Variants in NPC1L1 observed in about 807,000 individuals in gnomAD.
NPC1L1 encodes NPC1 like intracellular cholesterol transporter 1.
Under a neutral mutation model 117.0 loss-of-function variants are expected in NPC1L1, and 98 were observed. That is an observed-to-expected ratio of 0.84 (90% CI 0.71 to 0.99). NPC1L1 has a LOEUF of 0.99. Ranked by LOEUF, NPC1L1 falls within the 50% of genes least tolerant of loss-of-function variation. The pLI, the probability that NPC1L1 is intolerant of heterozygous loss-of-function variation, is 0.00. For missense variants in NPC1L1, 1,540 were observed against 1,710.0 expected (o/e 0.90, Z 1.75); for synonymous variants, 729 against 727.6 (o/e 1.00, Z -0.03).
intron 10 of NPC1L1, among the ~76,000 whole-genome samples, chr7:44,527,783 CA>C (rs1042823780): frequency 4.5e-4 from 68 of 151,598 alleles, no homozygotes; most frequent in African/African-American, 1.5e-3. Flanking sequence ...GAGACTCATG[CA>C]AAAAAAATCA....
Position 44,536,510 on chromosome 7 carries a change from C to A in NPC1L1, c.1682-82G>T, listed in dbSNP as rs1303843254. On this transcript the variant is annotated intron_variant, in intron 3 of 18. Coordinates refer to ENST00000381160, the MANE Select transcript of NPC1L1 (RefSeq NM_001101648.2). The surrounding 1 kb of genome is among the most constrained non-coding windows in gnomAD (Gnocchi z 4.7). ...AGCTGCACCCCTATATTCCCTCCCC[C>A]TATCTAGCTGCACCCCTCCCATCAC... 2.0e-6 allele frequency: 3 copies of A among 1,471,946 alleles called. No individual in the cohort carries two copies. In the African/African-American group the frequency reaches 4.2e-5, roughly 20 times the overall value. The allele number at this position is 1,471,946 out of a possible 1,614,324, so 91.2% of individuals were successfully genotyped here.
intron 10 of NPC1L1, among the ~76,000 whole-genome samples, chr7:44,522,934 A>G (rs1563203916): frequency 6.6e-6 from 1 of 152,194 alleles, no homozygotes; most frequent in East Asian, 1.9e-4. Context: ...AGGCATCCTC[A>G]TGGTCTGCTC....
In NPC1L1 at chr7:44,534,630, C is replaced by A; in HGVS notation, c.1984-1G>T. ...GGCCCAGCGTGGCCTTGGAGTCCAC[C>A]TGCAATGCAAACAGGCTCAGCCCCC... On this transcript the variant is annotated splice_acceptor_variant, in intron 5 of 18. Coordinates refer to ENST00000381160, the MANE Select transcript of NPC1L1 (RefSeq NM_001101648.2). LOFTEE classifies it high-confidence loss of function. The surrounding 1 kb of genome is among the most constrained non-coding windows in gnomAD (Gnocchi z 5.2). 2 of 1,613,882 alleles carry A rather than the reference C, an allele frequency of 1.2e-6. No homozygotes were observed. The highest frequency in any genetic ancestry group is 1.7e-6 in the Non-Finnish European group (2 of 1,179,904).
At position 44,515,972 on chromosome 7, in the gene NPC1L1, G is replaced by C. The variant is rs771778283; in HGVS notation, c.3634-7C>G. The stretch of plus-strand genomic sequence containing the variant: ...TGGCCACACCTGCAAACACCTGGGG[G>C]GTTCAGAGCCAGGTGTCAGGCAGGG... On this transcript the variant is annotated splice_polypyrimidine_tract_variant and splice_region_variant and intron_variant, in intron 17 of 18. Coordinates refer to ENST00000381160, the MANE Select transcript of NPC1L1 (RefSeq NM_001101648.2). 8.1e-6 allele frequency: 13 copies of C among 1,613,760 alleles called. No individual in the cohort carries two copies. The highest frequency in any genetic ancestry group is 1.6e-4 in the Middle Eastern group (1 of 6,062).
chr7:44,531,648 C>T (rs1563207235), intron 10 of NPC1L1, 107 bp downstream of exon 10: 2 of 967,624 alleles, frequency 2.1e-6, no homozygotes, highest in Non-Finnish European at 3.2e-6. Flanking sequence ...AATTCTGCAC[C>T]TCTGGCCAAG....
chr7:44,520,878 G>A (rs1486611158), intron 13 of NPC1L1, 58 bp from the exon 14 acceptor site: 1 of 1,612,066 alleles, frequency 6.2e-7, no homozygotes, highest in African/African-American at 1.3e-5. Context: ...CATCTGCCCA[G>A]CCCACAGCCA....
At chr7:44,516,983 A>G (rs755138020) in intron 15 of NPC1L1, 49 bp from the exon 16 acceptor site, 2 of 1,565,956 alleles carry the variant, frequency 1.3e-6, no homozygotes, top group South Asian at 2.3e-5. Flanking sequence ...TGGGGCCCTC[A>G]TGGTGGGTGG....
chr7:44,534,770 C>T lies in NPC1L1; in HGVS notation c.1984-141G>A. 2.6e-6 allele frequency: 2 copies of T among 775,340 alleles called. No individual in the cohort carries two copies. Among genetic ancestry groups the T allele is most frequent in the Non-Finnish European group, 2.1e-6 (1 of 484,566 alleles). The allele number at this position is 775,340 out of a possible 1,614,324, so 48.0% of individuals were successfully genotyped here. A position where few individuals can be genotyped will look rare whatever the true frequency, so the allele number is the denominator to read the frequency against. ...CGATACTGCCCCCAGTGGTGAGGAGCTCACATCTCACATTAAAGCCCCTCT... is the reference window on the plus strand; with the variant it reads ...CGATACTGCCCCCAGTGGTGAGGAGTTCACATCTCACATTAAAGCCCCTCT... On this transcript the variant is annotated intron_variant, in intron 5 of 18. Coordinates refer to ENST00000381160, the MANE Select transcript of NPC1L1 (RefSeq NM_001101648.2). This position sits in a 1 kb window ranked among gnomAD's most constrained non-coding sequence, Gnocchi z 5.2.
In NPC1L1 at chr7:44,517,371, G is replaced by A. The variant is rs1318944036; in HGVS notation, c.3137-14C>T. 7 of 1,608,696 alleles carry A rather than the reference G, an allele frequency of 4.4e-6. No homozygotes were observed. The highest frequency in any genetic ancestry group is 5.9e-6 in the Non-Finnish European group (7 of 1,180,002). On this transcript the variant is annotated splice_polypyrimidine_tract_variant and intron_variant, in intron 14 of 18. Coordinates refer to ENST00000381160, the MANE Select transcript of NPC1L1 (RefSeq NM_001101648.2). Reference sequence around the variant, plus strand: ...TGAACCTGGAGGCTGGACAGCCATGGCACACAGAAGATGGAAGGGCAAAGG... The same window carrying A: ...TGAACCTGGAGGCTGGACAGCCATGACACACAGAAGATGGAAGGGCAAAGG...
At chr7:44,517,448 G>T in intron 14 of NPC1L1, 91 bp from the exon 15 acceptor site, 1 of 1,494,208 alleles carries the variant, frequency 6.7e-7, no homozygotes. Flanking sequence ...AGTGGCACAG[G>T]CATGTGATCA....
intron 2 of NPC1L1, among the ~76,000 whole-genome samples, chr7:44,537,243 C>T (rs1465379773): frequency 1.3e-5 from 2 of 152,234 alleles, no homozygotes; most frequent in African/African-American, 4.8e-5. Context: ...GCTCCGGGAC[C>T]TGTCCCTCTG....
intron 1 of NPC1L1, among the ~76,000 whole-genome samples, chr7:44,540,697 C>T (rs1418312245): frequency 6.6e-6 from 1 of 152,008 alleles, no homozygotes; most frequent in Non-Finnish European, 1.5e-5. Flanking sequence ...CAGGGTCTCT[C>T]ATGGAGAGTC....
rs551516073 is a variant in NPC1L1 at position 44,518,336 on chromosome 7, A to G, written c.3137-979T>C. Reference sequence around the variant, plus strand: ...AGGTGCATGCCACCATGCCTGGCTAATTTTTGTATTTTTAGTAGAGACAGG... The same window carrying G: ...AGGTGCATGCCACCATGCCTGGCTAGTTTTTGTATTTTTAGTAGAGACAGG... On this transcript the variant is annotated intron_variant, in intron 14 of 18. Transcript: ENST00000381160. 2.6e-5 allele frequency among the ~76,000 whole-genome samples: 4 copies of G among 151,116 alleles called. No homozygotes were observed. The South Asian group carries it at 8.5e-4, about 32-fold the overall frequency.
In NPC1L1 at chr7:44,535,891, G is replaced by T; in HGVS notation, c.1932C>A (p.Phe644Leu). The change falls in exon 5 of 19, where the codon TTC becomes TTA. Residue 644 changes from phenylalanine to leucine, a missense_variant. Around this residue, in one of 3 missense-constraint regions of NPC1L1, gnomAD observed 742 missense variants for 873.6 expected, o/e 0.85. Transcript: ENST00000381160. ...PIFATSYIVI[F>L]LYISLALGSY... Reference sequence around the variant, plus strand: ...TGCCCAGGGCCAGAGAGATGTACAGGAATATGACAATGTAGCTGGTGGCAA... The same window carrying T: ...TGCCCAGGGCCAGAGAGATGTACAGTAATATGACAATGTAGCTGGTGGCAA... 1 of 1,613,574 alleles carries T rather than the reference G, an allele frequency of 6.2e-7. No homozygotes were observed. Among genetic ancestry groups the T allele is most frequent in the Non-Finnish European group, 8.5e-7 (1 of 1,180,012 alleles).
intron 10 of NPC1L1, among the ~76,000 whole-genome samples, chr7:44,524,620 T>C (rs1329438879): frequency 6.6e-6 from 1 of 152,040 alleles, no homozygotes; most frequent in Middle Eastern, 3.2e-3. Context: ...CCAAGCATGG[T>C]GGCAGGCACC....
intron 10 of NPC1L1, among the ~76,000 whole-genome samples, chr7:44,528,219 G>A (rs1340750707): frequency 1.3e-5 from 2 of 152,160 alleles, no homozygotes; most frequent in African/African-American, 4.8e-5. Flanking sequence ...CTGGACTCAA[G>A]CAAGCCTCCC....
intron 5 of NPC1L1, 116 bp downstream of exon 5, chr7:44,535,724 G>A: frequency 3.5e-6 from 5 of 1,426,446 alleles, no homozygotes; most frequent in Non-Finnish European, 3.9e-6. Context: ...GCAGCCACTT[G>A]GGTGTGTCCA....
Position 44,516,238 on chromosome 7 carries a change from T to A in NPC1L1, c.3520-41A>T, listed in dbSNP as rs202166913. 3.3e-5 allele frequency: 50 copies of A among 1,538,254 alleles called. No individual in the cohort carries two copies. In the East Asian group the frequency reaches 1.2e-3, roughly 36 times the overall value. ...GGGCATAAGCCAAGAAAGGCAGAGG[T>A]GGGGAAGGAACTAGGGAGATGAGGC... On this transcript the variant is annotated intron_variant, in intron 16 of 18. Transcript: ENST00000381160.
chr7:44,537,133 G>C (rs935288341), intron 2 of NPC1L1, among the ~76,000 whole-genome samples, 191 bp from the exon 3 acceptor site: 5 of 152,160 alleles, frequency 3.3e-5, no homozygotes, highest in African/African-American at 1.2e-4. Context: ...CAGCCGAGTG[G>C]GTCCTAAATG....
Sources: allele counts gnomAD v4.1 joint callset (sites outside exome capture counted in the v4.1 genomes callset), GRCh38; gene constraint gnomAD v4.1.1; regional missense constraint gnomAD v4.1.1; non-coding constraint Gnocchi (gnomAD v3.1); transcripts MANE v1.5; gene names NCBI Gene and HGNC (gene_info 2026-07-23, HGNC 2026-07-21).